The following ACTL8 variants were observed in gnomAD, a reference collection of about 807,000 sequenced individuals.
ACTL8 encodes the protein actin-like protein 8.
ACTL8 carries 3 observed loss-of-function variants against 9.3 expected under a neutral mutation model. That is an observed-to-expected ratio of 0.32 (90% CI 0.15 to 0.83). The LOEUF is 0.83. Among genes scored for constraint, ACTL8 ranks in the 40% least tolerant of loss-of-function variants. The pLI, the probability that ACTL8 is intolerant of heterozygous loss-of-function variation, is 0.57. For synonymous variants in ACTL8, 224 were observed against 205.9 expected, an observed-to-expected ratio of 1.09 and a Z score of -0.75; for missense variants, 381 against 492.2, an observed-to-expected ratio of 0.77 and a Z score of 2.14.
At chr1:17,756,208 T>A (rs1324575614) in intron 1 of ACTL8, among the ~76,000 whole-genome samples, 1 of 151,982 alleles carries the variant, frequency 6.6e-6, no homozygotes, top group Non-Finnish European at 1.5e-5. Flanking sequence ...GAATAGGGGC[T>A]CTTCCCAGGG....
chr1:17,817,522 C>T (rs1034710437), intron 1 of ACTL8, among the ~76,000 whole-genome samples: 4 of 151,972 alleles, frequency 2.6e-5, no homozygotes, highest in African/African-American at 4.8e-5. Flanking sequence ...TGCTCGGTCC[C>T]GGGACACTGT....
At chr1:17,765,452 C>T (rs79982868) in intron 1 of ACTL8, among the ~76,000 whole-genome samples, 6,838 of 152,160 alleles carry the variant, frequency 0.045, 411 homozygotes, top group African/African-American at 0.13. Context: ...ATCAGACACT[C>T]GCAATAACCA....
intron 1 of ACTL8, among the ~76,000 whole-genome samples, chr1:17,820,641 C>A (rs1000656873): frequency 6.6e-6 from 1 of 150,940 alleles, no homozygotes; most frequent in East Asian, 1.9e-4. Flanking sequence ...GATCTTGGCT[C>A]ACCGCAACCT....
At chr1:17,821,245 A>G (rs1347853685) in intron 1 of ACTL8, among the ~76,000 whole-genome samples, 1 of 152,132 alleles carries the variant, frequency 6.6e-6, no homozygotes, top group African/African-American at 2.4e-5. Context: ...CTTTGTAGTA[A>G]ATAGCGTCTT....
At chr1:17,784,372 TCAACAGGAGATTTGGGTGGGACACAGAGC>T (rs1205042589) in intron 1 of ACTL8, among the ~76,000 whole-genome samples, 2 of 152,146 alleles carry the variant, frequency 1.3e-5, no homozygotes, top group Admixed American at 6.5e-5. Flanking sequence ...GGATTACAAT[TCAACAGGAGATTTGGGTGGGACACAGAGC>T]CAAACCATAT....
intron 1 of ACTL8, among the ~76,000 whole-genome samples, chr1:17,760,279 G>A (rs2065992170): frequency 6.6e-6 from 1 of 152,184 alleles, no homozygotes; most frequent in African/African-American, 2.4e-5. Flanking sequence ...ATTCGATGTG[G>A]GTCTTAGAAG....
chr1:17,826,558 T>C lies in ACTL8; in HGVS notation c.*39T>C. The C allele has an allele frequency of 6.7e-7, 1 of 1,498,780 alleles. No homozygotes were observed. Among genetic ancestry groups the C allele is most frequent in the Non-Finnish European group, 8.9e-7 (1 of 1,118,470 alleles). The allele number at this position is 1,498,780 out of a possible 1,614,324, so 92.8% of individuals were successfully genotyped here. ...CTCCTGAGAATGGGCTCCTGTTAGA[T>C]GGGCACGGGCGGATTAATTTTAGCA... is the stretch of plus-strand genomic sequence containing the variant. On this transcript the variant is annotated 3_prime_UTR_variant, in exon 3 of 3. Coordinates refer to ENST00000375406, the MANE Select transcript of ACTL8 (RefSeq NM_030812.3). The surrounding 1 kb of genome is among the most constrained non-coding windows in gnomAD (Gnocchi z 4.5).
intron 1 of ACTL8, among the ~76,000 whole-genome samples, chr1:17,784,096 G>A (rs1209694763): frequency 6.6e-6 from 1 of 152,180 alleles, no homozygotes; most frequent in African/African-American, 2.4e-5. Flanking sequence ...GAAGAAAAGG[G>A]GTTTAATTGA....
At chr1:17,798,023 G>A (rs1016711044) in intron 1 of ACTL8, among the ~76,000 whole-genome samples, 5 of 152,250 alleles carry the variant, frequency 3.3e-5, no homozygotes, top group Admixed American at 1.3e-4. Context: ...CCATAAAGGC[G>A]TTTTGTCCCG....
At position 17,823,004 on chromosome 1, in the gene ACTL8, C is replaced by T. The variant is rs1244498680; in HGVS notation, c.-5C>T. On this transcript the variant is annotated 5_prime_UTR_variant, in exon 2 of 3. Transcript: ENST00000375406. The surrounding 1 kb of genome is among the most constrained non-coding windows in gnomAD (Gnocchi z 5.3). ...CCGCAGGTCCCACCCACCTCTGCCTCCGCCATGGCTGCAAGAACCGTTATC... is the reference window on the plus strand; with the variant it reads ...CCGCAGGTCCCACCCACCTCTGCCTTCGCCATGGCTGCAAGAACCGTTATC... 6.2e-7 allele frequency: 1 copy of T among 1,611,658 alleles called. No homozygotes were observed. Among genetic ancestry groups the T allele is most frequent in the African/African-American group, 1.3e-5 (1 of 75,008 alleles).
chr1:17,760,052 C>T (rs545162259), intron 1 of ACTL8, among the ~76,000 whole-genome samples: 2 of 152,284 alleles, frequency 1.3e-5, no homozygotes, highest in Admixed American at 6.5e-5. Flanking sequence ...CCACAGTTTT[C>T]CTGTGGACAT....
At chr1:17,778,277 T>C (rs964785877) in intron 1 of ACTL8, among the ~76,000 whole-genome samples, 15 of 152,146 alleles carry the variant, frequency 9.9e-5, no homozygotes, top group Admixed American at 9.2e-4. Flanking sequence ...CAGGGCCTGC[T>C]CTTTTCCTGG....
intron 1 of ACTL8, among the ~76,000 whole-genome samples, chr1:17,812,980 A>C (rs2066403212): frequency 6.6e-6 from 1 of 152,222 alleles, no homozygotes; most frequent in Non-Finnish European, 1.5e-5. Context: ...ATTGGTTTTT[A>C]AAATATTTAA....
chr1:17,811,503 T>C (rs2066392669), intron 1 of ACTL8, among the ~76,000 whole-genome samples: 2 of 152,226 alleles, frequency 1.3e-5, no homozygotes. Flanking sequence ...GCTTTTGATG[T>C]TGTACCTAAG....
intron 1 of ACTL8, among the ~76,000 whole-genome samples, chr1:17,790,160 G>T (rs952141735): frequency 3.3e-4 from 51 of 152,244 alleles, no homozygotes; most frequent in Admixed American, 2.6e-4. Context: ...TCCACGGCTG[G>T]CACCGGGGAA....
At chr1:17,809,474 C>T (rs1045307954) in intron 1 of ACTL8, among the ~76,000 whole-genome samples, 12 of 152,086 alleles carry the variant, frequency 7.9e-5, no homozygotes, top group Non-Finnish European at 1.8e-4. Context: ...AAAGGAAAGG[C>T]CGTGGCCTGT....
At chr1:17,796,867 T>G (rs1311582706) in intron 1 of ACTL8, among the ~76,000 whole-genome samples, 1 of 152,234 alleles carries the variant, frequency 6.6e-6, no homozygotes, top group African/African-American at 2.4e-5. Flanking sequence ...TGGGAATTTC[T>G]AGAATGATAG....
At chr1:17,765,418 C>G (rs1218864612) in intron 1 of ACTL8, among the ~76,000 whole-genome samples, 1 of 152,084 alleles carries the variant, frequency 6.6e-6, no homozygotes, top group Admixed American at 6.5e-5. Context: ...CAGACAGGAC[C>G]CTGTGCTTTT....
At position 17,793,522 on chromosome 1, in the gene ACTL8, A is replaced by G. The variant is rs1570020934; in HGVS notation, c.-24-29463A>G. Among the ~76,000 whole-genome samples the G allele has an allele frequency of 3.3e-5, 5 of 152,080 alleles. No individual in the cohort carries two copies. The South Asian group carries it at 1.0e-3, about 32-fold the overall frequency. On this transcript the variant is annotated intron_variant, in intron 1 of 2. Coordinates refer to ENST00000375406, the MANE Select transcript of ACTL8 (RefSeq NM_030812.3). ...AGGCAGATTTCATTATTTTCCGGCC[A>G]TTTCCAGTTAAAATATAATCTGATT...
Sources: gnomAD v4.1 joint callset for allele counts (sites outside exome capture counted in the v4.1 genomes callset) on GRCh38, gnomAD v4.1.1 for gene constraint, Gnocchi (gnomAD v3.1) non-coding constraint, MANE v1.5 for transcripts, NCBI Gene and HGNC (gene_info 2026-07-23, HGNC 2026-07-21) for gene names.